Variants in GOLM2 observed in about 807,000 individuals in gnomAD.
GOLM2 encodes the protein golgi membrane protein 2.
GOLM2 carries 26 observed loss-of-function variants against 55.9 expected under a neutral mutation model. That is an observed-to-expected ratio of 0.47 (90% CI 0.34 to 0.65). The LOEUF is 0.65. Among genes scored for constraint, GOLM2 ranks in the 30% least tolerant of loss-of-function variants. The probability of loss-of-function intolerance (pLI) is 0.01; values close to 1 mark genes in which losing one functional copy is unlikely to be tolerated. For synonymous variants in GOLM2, 165 were observed against 194.6 expected (o/e 0.85, Z 1.27); for missense variants, 486 against 531.8 (o/e 0.91, Z 0.85).
At chr15:44,363,371 A>T (rs1391037934) in intron 6 of GOLM2, among the ~76,000 whole-genome samples, 1 of 152,196 alleles carries the variant, frequency 6.6e-6, no homozygotes, top group Non-Finnish European at 1.5e-5. Flanking sequence ...ACCCCATCAA[A>T]AAGTGGGCGA....
chr15:44,332,364 C>T (rs1036213345), intron 4 of GOLM2, among the ~76,000 whole-genome samples: 1 of 152,140 alleles, frequency 6.6e-6, no homozygotes, highest in African/African-American at 2.4e-5. Context: ...CAAGATCACC[C>T]TGGCCAACAT....
rs553601410 is a variant in GOLM2, at chr15:44,389,007, C to T, written c.1072+8031C>T. On this transcript the variant is annotated intron_variant, in intron 8 of 9. Transcript: ENST00000299957. ...ATTTTTTGTATTTTTTTAGTAGAGA[C>T]GGGGTTTCACTATGTTAGCCAGGAT... is the stretch of plus-strand genomic sequence containing the variant. 4.0e-5 allele frequency among the ~76,000 whole-genome samples: 6 copies of T among 151,866 alleles called. No homozygotes were observed. In the South Asian group the frequency reaches 8.3e-4, roughly 21 times the overall value.
chr15:44,312,044 G>A (rs748398617), intron 1 of GOLM2, among the ~76,000 whole-genome samples: 2 of 152,112 alleles, frequency 1.3e-5, no homozygotes, highest in African/African-American at 2.4e-5. Flanking sequence ...GATTAAAACC[G>A]CTGAATAAAC....
At chr15:44,360,483 G>A (rs1248446270) in intron 6 of GOLM2, among the ~76,000 whole-genome samples, 13 of 152,236 alleles carry the variant, frequency 8.5e-5, no homozygotes, top group South Asian at 2.1e-4. Flanking sequence ...TAAAGGGATC[G>A]ATTCAACAAG....
chr15:44,289,450 T>A lies in GOLM2; in HGVS notation c.327+94T>A. On this transcript the variant is annotated intron_variant, in intron 1 of 9. Transcript: ENST00000299957. This position sits in a 1 kb window ranked among gnomAD's most constrained non-coding sequence, Gnocchi z 4.8. ...AATCCGCTAGCTGTTGTCTTATGCC[T>A]TCCAGTATTTCAGTCCTGAAGGCTC... 8.6e-7 allele frequency: 1 copy of A among 1,163,026 alleles called. No individual in the cohort carries two copies. The highest frequency in any genetic ancestry group is 1.2e-6 in the Non-Finnish European group (1 of 834,912). The allele number at this position is 1,163,026 out of a possible 1,614,324, so 72.0% of individuals were successfully genotyped here.
chr15:44,401,682 G>A (rs1017108119), intron 8 of GOLM2, among the ~76,000 whole-genome samples: 1 of 152,146 alleles, frequency 6.6e-6, no homozygotes, highest in Non-Finnish European at 1.5e-5. Flanking sequence ...CTACTTTTAT[G>A]CTAAGTTAAA....
intron 8 of GOLM2, among the ~76,000 whole-genome samples, chr15:44,397,259 C>CACG (rs2079532607): frequency 6.6e-6 from 1 of 151,990 alleles, no homozygotes; most frequent in Admixed American, 6.6e-5. Flanking sequence ...GCAGGCCGAT[C>CACG]ACGAGGTCAG....
chr15:44,332,099 T>A, intron 4 of GOLM2, 21 bp downstream of exon 4: 1 of 1,090,720 alleles, frequency 9.2e-7, no homozygotes. Context: ...AAAATATACT[T>A]AAATCCAAAT....
At chr15:44,332,223 A>T (rs1464082817) in intron 4 of GOLM2, 145 bp downstream of exon 4, 1 of 542,326 alleles carries the variant, frequency 1.8e-6, no homozygotes, top group African/African-American at 2.0e-5. Context: ...CAATGGCTTT[A>T]TTTCTGAGTA....
At chr15:44,300,597 GCAAA>G (rs1418017560) in intron 1 of GOLM2, among the ~76,000 whole-genome samples, 1 of 152,156 alleles carries the variant, frequency 6.6e-6, no homozygotes, top group Non-Finnish European at 1.5e-5. Context: ...CTCCATAGAG[GCAAA>G]CAAACAGTTC....
rs2079353114 is a variant in GOLM2, at chr15:44,374,736, A to G, written c.803-4954A>G. 2.0e-5 allele frequency among the ~76,000 whole-genome samples: 3 copies of G among 152,298 alleles called. No homozygotes were observed. The South Asian group carries it at 6.2e-4, about 32-fold the overall frequency. ...AACAACTAGATCCTGTGAGAACTCT[A>G]TCACGAGACAGCACTATGGGGATGG... On this transcript the variant is annotated intron_variant, in intron 6 of 9. Transcript: ENST00000299957.
At position 44,328,752 on chromosome 15, in the gene GOLM2, C is replaced by T. The variant is rs1047121563; in HGVS notation, c.450C>T (p.Asn150=). 7 of 1,611,310 alleles carry T rather than the reference C, an allele frequency of 4.3e-6. No homozygotes were observed. The highest frequency in any genetic ancestry group is 1.1e-5 in the South Asian group (1 of 90,324). The stretch of plus-strand genomic sequence containing the variant: ...ACCAGCTTCAGGACTATAGGAAGAA[C>T]AATACTTACCTTGTGAAGAGGTTAG... ...QEDQLQDYRK[N]NTYLVKRLEY... is the part of the protein sequence containing the mutation. Residue 150 remains asparagine (N), a synonymous_variant, in exon 3 of 10, where the codon AAC becomes AAT. Transcript: ENST00000299957.
intron 1 of GOLM2, among the ~76,000 whole-genome samples, chr15:44,304,334 C>G (rs1310120131): frequency 6.8e-6 from 1 of 147,556 alleles, no homozygotes; most frequent in Non-Finnish European, 1.5e-5. Context: ...CTCCGCCTCA[C>G]AGGTTCAAGC....
rs529517457 is a variant in GOLM2, at chr15:44,410,560, A to C, written c.1241-2776A>C. 1.2e-4 allele frequency among the ~76,000 whole-genome samples: 19 copies of C among 152,232 alleles called. No individual in the cohort carries two copies. In the East Asian group the frequency reaches 3.7e-3, roughly 29 times the overall value. On this transcript the variant is annotated intron_variant, in intron 9 of 9. Coordinates refer to ENST00000299957, the MANE Select transcript of GOLM2 (RefSeq NM_138423.4). Reference sequence around the variant, plus strand: ...ATATTAAGACAGATTTGGGATTATCATACCTAGTGGATTATACTATTTAAA... The same window carrying C: ...ATATTAAGACAGATTTGGGATTATCCTACCTAGTGGATTATACTATTTAAA...
At chr15:44,337,969 T>C in intron 5 of GOLM2, 62 bp downstream of exon 5, 1 of 1,417,618 alleles carries the variant, frequency 7.1e-7, no homozygotes, top group Non-Finnish European at 9.6e-7. Context: ...CTTCCCATTT[T>C]GAAGTGGATA....
intron 9 of GOLM2, among the ~76,000 whole-genome samples, chr15:44,413,130 A>G (rs1394068106): frequency 6.6e-6 from 1 of 152,126 alleles, no homozygotes; most frequent in Non-Finnish European, 1.5e-5. Context: ...TCTATTTTCT[A>G]AAGATTTGTT....
intron 6 of GOLM2, among the ~76,000 whole-genome samples, chr15:44,358,033 A>C (rs1234117370): frequency 1.3e-5 from 2 of 152,208 alleles, no homozygotes; most frequent in Non-Finnish European, 2.9e-5. Context: ...TATTTTGTGG[A>C]TATTGACAAA....
intron 1 of GOLM2, among the ~76,000 whole-genome samples, chr15:44,296,357 A>T (rs2078756554): frequency 6.6e-6 from 1 of 152,220 alleles, no homozygotes; most frequent in Non-Finnish European, 1.5e-5. Flanking sequence ...TTACACACAT[A>T]CACACACATA....
At chr15:44,374,062 C>A (rs2079348335) in intron 6 of GOLM2, among the ~76,000 whole-genome samples, 1 of 152,132 alleles carries the variant, frequency 6.6e-6, no homozygotes, top group Non-Finnish European at 1.5e-5. Flanking sequence ...GATCACGTCA[C>A]TTCATTCTAG....
Sources: gnomAD v4.1 joint callset for allele counts (sites outside exome capture counted in the v4.1 genomes callset) on GRCh38, gnomAD v4.1.1 for gene constraint, Gnocchi (gnomAD v3.1) non-coding constraint, MANE v1.5 for transcripts, NCBI Gene and HGNC (gene_info 2026-07-23, HGNC 2026-07-21) for gene names.